QRFPR: variants seen among roughly 807,000 people sequenced by gnomAD.
The protein encoded by QRFPR is pyroglutamylated RF-amide peptide receptor.
QRFPR carries 37 observed loss-of-function variants against 31.3 expected under a neutral mutation model. That is an observed-to-expected ratio of 1.18 (90% confidence interval 0.91 to 1.56). The LOEUF (loss-of-function observed/expected upper bound fraction) is 1.56. Ranked by LOEUF, QRFPR falls within the 40% of genes most tolerant of loss-of-function variation. QRFPR has a pLI of 0.00. For missense variants in QRFPR, 542 were observed against 532.5 expected (o/e 1.02, Z -0.18); for synonymous variants, 197 against 192.0 (o/e 1.03, Z -0.22).
chr4:121,349,032 G>A (rs1031834892), intron 1 of QRFPR, among the ~76,000 whole-genome samples: 2 of 152,132 alleles, frequency 1.3e-5, no homozygotes, highest in African/African-American at 4.8e-5. Flanking sequence ...GGGAGGCAGA[G>A]GTTGCAGTGA....
At chr4:121,361,269 A>G (rs1725986264) in intron 1 of QRFPR, among the ~76,000 whole-genome samples, 1 of 150,162 alleles carries the variant, frequency 6.7e-6, no homozygotes, top group African/African-American at 2.5e-5. Context: ...TCCAGTCTTC[A>G]ATAGATAAAG....
At chr4:121,336,907 G>A in intron 2 of QRFPR, 39 bp from the exon 3 acceptor site, 1 of 1,541,466 alleles carries the variant, frequency 6.5e-7, no homozygotes, top group Non-Finnish European at 9.0e-7. Context: ...TGACTCAGTT[G>A]AGTAAAACAC....
intron 1 of QRFPR, among the ~76,000 whole-genome samples, chr4:121,375,711 G>A (rs1465346160): frequency 1.3e-5 from 2 of 152,160 alleles, no homozygotes; most frequent in Non-Finnish European, 2.9e-5. Context: ...GATGATGAAA[G>A]AAAAGAGGTT....
chr4:121,347,090 T>C (rs916915364), intron 1 of QRFPR, among the ~76,000 whole-genome samples: 1 of 152,206 alleles, frequency 6.6e-6, no homozygotes, highest in Admixed American at 6.5e-5. Context: ...AGAGTTTGTG[T>C]AAAATTGGTG....
intron 1 of QRFPR, among the ~76,000 whole-genome samples, chr4:121,374,960 C>T (rs1560747333): frequency 2.0e-5 from 3 of 152,088 alleles, no homozygotes; most frequent in Non-Finnish European, 4.4e-5. Flanking sequence ...GCTGTGTGTG[C>T]ACCTGAGGAG....
intron 3 of QRFPR, 96 bp from the exon 4 acceptor site, chr4:121,333,152 C>A: frequency 1.3e-6 from 1 of 762,422 alleles, no homozygotes; most frequent in Non-Finnish European, 2.2e-6. Flanking sequence ...TTTTTAAGTT[C>A]TTTCAAATTT....
intron 1 of QRFPR, among the ~76,000 whole-genome samples, chr4:121,351,906 C>T (rs1038782886): frequency 1.5e-4 from 23 of 148,416 alleles, no homozygotes; most frequent in Admixed American, 5.4e-4. Context: ...ATCATTCAAT[C>T]ATTAATAATA....
At chr4:121,373,273 T>C (rs1726286424) in intron 1 of QRFPR, among the ~76,000 whole-genome samples, 1 of 152,206 alleles carries the variant, frequency 6.6e-6, no homozygotes, top group African/African-American at 2.4e-5. Flanking sequence ...TTGTCCTAAG[T>C]AGAGAGAATC....
At chr4:121,359,447 G>A (rs868086745) in intron 1 of QRFPR, among the ~76,000 whole-genome samples, 1 of 152,020 alleles carries the variant, frequency 6.6e-6, no homozygotes, top group African/African-American at 2.4e-5. Flanking sequence ...TTGAAAAGGC[G>A]AGACTGGCCC....
intron 1 of QRFPR, among the ~76,000 whole-genome samples, chr4:121,365,534 A>ATTAT (rs1491296453): frequency 1.8e-4 from 1 of 5,440 alleles, no homozygotes; most frequent in African/African-American, 1.1e-3. Context: ...TATTATATAT[A>ATTAT]ATATATATTA....
At chr4:121,369,157 T>G (rs1230811620) in intron 1 of QRFPR, among the ~76,000 whole-genome samples, 2 of 152,160 alleles carry the variant, frequency 1.3e-5, no homozygotes, top group Admixed American at 1.3e-4. Flanking sequence ...GCCTCCCAAG[T>G]AGCTGGGACT....
Position 121,340,489 on chromosome 4 carries a change from C to T in QRFPR, c.462G>A (p.Lys154=). ...HQGLVHPFKM[K]WQYTNRRAFT... ...AAGCCCTTCGGTTGGTGTATTGCCACTTCATTTTAAAAGGATGCACAAGTC... is the reference window on the plus strand; with the variant it reads ...AAGCCCTTCGGTTGGTGTATTGCCATTTCATTTTAAAAGGATGCACAAGTC... The change falls in exon 2 of 6, where the codon AAG becomes AAA. Residue 154 remains lysine, a synonymous_variant. Coordinates refer to ENST00000394427, the MANE Select transcript of QRFPR (RefSeq NM_198179.3). The T allele has an allele frequency of 6.2e-7, 1 of 1,614,076 alleles. No individual in the cohort carries two copies. Among genetic ancestry groups the T allele is most frequent in the Admixed American group, 1.7e-5 (1 of 59,988 alleles).
At chr4:121,338,838 A>C (rs1468393378) in intron 2 of QRFPR, among the ~76,000 whole-genome samples, 1 of 152,188 alleles carries the variant, frequency 6.6e-6, no homozygotes, top group Non-Finnish European at 1.5e-5. Flanking sequence ...CCTATTATCA[A>C]CTATGCTTTG....
At chr4:121,343,274 T>C (rs1428305186) in intron 1 of QRFPR, among the ~76,000 whole-genome samples, 2 of 152,204 alleles carry the variant, frequency 1.3e-5, no homozygotes, top group South Asian at 2.1e-4. Context: ...ATCACTTTAA[T>C]AGACATTTTG....
intron 1 of QRFPR, among the ~76,000 whole-genome samples, chr4:121,354,477 T>A (rs1725827598): frequency 1.3e-5 from 2 of 151,986 alleles, no homozygotes; most frequent in Admixed American, 1.3e-4. Flanking sequence ...TTTTTTAAAT[T>A]TCAGATCATA....
At chr4:121,365,648 T>TAA (rs1560744277) in intron 1 of QRFPR, among the ~76,000 whole-genome samples, 1 of 22,508 alleles carries the variant, frequency 4.4e-5, no homozygotes, top group African/African-American at 2.3e-4. Context: ...ATTTTATATA[T>TAA]TATATATTAT....
intron 1 of QRFPR, among the ~76,000 whole-genome samples, chr4:121,357,692 A>C (rs1377132456): frequency 6.6e-6 from 1 of 152,172 alleles, no homozygotes; most frequent in Non-Finnish European, 1.5e-5. Context: ...AAGATTGTGA[A>C]TTTTAGGGCA....
rs569013494 is a variant in QRFPR at position 121,377,200 on chromosome 4, G to A, written c.340+3108C>T. Among the ~76,000 whole-genome samples, 11 of 152,234 alleles carry A rather than the reference G, an allele frequency of 7.2e-5. No homozygotes were observed. In the East Asian group the frequency reaches 2.1e-3, roughly 29 times the overall value. On this transcript the variant is annotated intron_variant, in intron 1 of 5. Transcript: ENST00000394427. ...TTCCCAGCTTTTCAGAAGGAGAGGT[G>A]GGGAAGCAAGAACAACAACAAAAGA...
intron 1 of QRFPR, among the ~76,000 whole-genome samples, chr4:121,341,249 A>G (rs1005825711): frequency 1.3e-5 from 2 of 152,216 alleles, no homozygotes; most frequent in African/African-American, 2.4e-5. Flanking sequence ...TGTTTATACT[A>G]TCTGTCTGGC....
Sources: allele counts gnomAD v4.1 joint callset (sites outside exome capture counted in the v4.1 genomes callset), GRCh38; gene constraint gnomAD v4.1.1; transcripts MANE v1.5; gene names NCBI Gene and HGNC (gene_info 2026-07-23, HGNC 2026-07-21).